TMTC3: variants seen among roughly 807,000 people sequenced by gnomAD.
TMTC3 encodes protein O-mannosyl-transferase TMTC3.
In TMTC3, 52 loss-of-function variants were observed where a neutral mutation model predicts 92.2. The observed-to-expected ratio is 0.56, with a 90% confidence interval of 0.45 to 0.71. The LOEUF (loss-of-function observed/expected upper bound fraction) is 0.71. Ranked by LOEUF, TMTC3 falls within the 30% of genes least tolerant of loss-of-function variation. The probability of loss-of-function intolerance (pLI) is 0.00; values close to 1 mark genes in which losing one functional copy is unlikely to be tolerated. For synonymous variants in TMTC3, 339 were observed against 363.3 expected, an observed-to-expected ratio of 0.93 and a Z score of 0.76; for missense variants, 896 against 1,057.1, an observed-to-expected ratio of 0.85 and a Z score of 2.11.
chr12:88,199,332 A>T lies in TMTC3; in HGVS notation c.*3683A>T, dbSNP rs1454779510. 6.6e-6 allele frequency: 1 copy of T among 151,850 alleles called. No individual in the cohort carries two copies. The highest frequency in any genetic ancestry group is 1.5e-5 in the Non-Finnish European group (1 of 67,940). The allele number at this position is 151,850 out of a possible 1,614,324, so 9.4% of individuals were successfully genotyped here. On this transcript the variant is annotated 3_prime_UTR_variant, in exon 14 of 14. Coordinates refer to ENST00000266712, the MANE Select transcript of TMTC3 (RefSeq NM_181783.4). ...TTTCTTCATCTACAAGTTGGGAAAA[A>T]CATTTTCCTCTTAAAATTGTGAAGA...
chr12:88,182,664 C>T (rs534810290), intron 10 of TMTC3, among the ~76,000 whole-genome samples: 1 of 152,232 alleles, frequency 6.6e-6, no homozygotes, highest in East Asian at 1.9e-4. Flanking sequence ...AAAGTACTGG[C>T]TCCGTTGGGG....
intron 6 of TMTC3, among the ~76,000 whole-genome samples, chr12:88,162,622 G>A (rs114282050): frequency 4.1e-4 from 62 of 152,152 alleles, no homozygotes; most frequent in African/African-American, 1.4e-3. Context: ...TCTTCAGAAG[G>A]AAGTCTGATT....
intron 1 of TMTC3, among the ~76,000 whole-genome samples, chr12:88,147,087 A>G: frequency 6.7e-6 from 1 of 148,342 alleles, no homozygotes; most frequent in East Asian, 1.9e-4. Context: ...TTTTTAAATT[A>G]TTTAATTTAT....
At position 88,148,420 on chromosome 12, in the gene TMTC3, A is replaced by G. The variant is rs1219771509; in HGVS notation, c.105A>G (p.Ala35=). 1.9e-6 allele frequency: 3 copies of G among 1,613,516 alleles called. No individual in the cohort carries two copies. Among genetic ancestry groups the G allele is most frequent in the Non-Finnish European group, 2.5e-6 (3 of 1,179,688 alleles). ...FCGFVFDDVS[A]ILDNKDLHPS... is the part of the protein sequence containing the mutation. The stretch of plus-strand genomic sequence containing the variant: ...GTTTTGTTTTTGATGATGTTTCAGC[A>G]ATACTGGATAACAAAGACTTGCATC... Residue 35 remains alanine (A), a synonymous_variant, in exon 2 of 14, where the codon GCA becomes GCG. Transcript: ENST00000266712.
chr12:88,160,113 G>T lies in TMTC3; in HGVS notation c.509-1G>T. The T allele has an allele frequency of 6.4e-7, 1 of 1,558,504 alleles. No individual in the cohort carries two copies. The highest frequency in any genetic ancestry group is 8.7e-7 in the Non-Finnish European group (1 of 1,153,724). On this transcript the variant is annotated splice_acceptor_variant, in intron 4 of 13. Transcript: ENST00000266712. LOFTEE classifies it high-confidence loss of function. ...TTATATTTTCTGTTCTCAAATTGCA[G>T]TATGGACTCCAATTGCCTTGACAGT...
intron 9 of TMTC3, among the ~76,000 whole-genome samples, chr12:88,175,744 G>A (rs1671397981): frequency 6.6e-6 from 1 of 152,210 alleles, no homozygotes; most frequent in Middle Eastern, 3.4e-3. Context: ...AGAACACTAC[G>A]GCAATCTGCG....
chr12:88,192,349 GT>G (rs1335530134), intron 12 of TMTC3, among the ~76,000 whole-genome samples: 1 of 152,038 alleles, frequency 6.6e-6, no homozygotes, highest in Non-Finnish European at 1.5e-5. Flanking sequence ...CTCCTGATAG[GT>G]TGCCCTCTGA....
At position 88,196,754 on chromosome 12, in the gene TMTC3, A is replaced by G. The variant is rs2041518164; in HGVS notation, c.*1105A>G. On this transcript the variant is annotated 3_prime_UTR_variant, in exon 14 of 14. Transcript: ENST00000266712. ...ATATTTGAAGCTATTTTAATCATCAAGTATGGAAAACAAATTACTATTGCA... is the reference window on the plus strand; with the variant it reads ...ATATTTGAAGCTATTTTAATCATCAGGTATGGAAAACAAATTACTATTGCA... 1 of 151,870 alleles carries G rather than the reference A, an allele frequency of 6.6e-6. No homozygotes were observed. The highest frequency in any genetic ancestry group is 2.4e-5 in the African/African-American group (1 of 41,428). 9.4% of individuals were successfully genotyped at this position (151,870 alleles called of 1,614,324 possible).
At chr12:88,149,629 T>C (rs577060244) in intron 2 of TMTC3, among the ~76,000 whole-genome samples, 4 of 152,314 alleles carry the variant, frequency 2.6e-5, no homozygotes, top group African/African-American at 9.6e-5. Context: ...AAACATAACA[T>C]GTAACTCTCT....
chr12:88,173,002 A>T (rs1423163208), intron 8 of TMTC3: 1 of 1,388,956 alleles, frequency 7.2e-7, no homozygotes, highest in Admixed American at 2.1e-5. Flanking sequence ...GATCCAAATG[A>T]AAACAAGGAT....
chr12:88,164,189 CAAAAAAA>C (rs1008391943), intron 6 of TMTC3, among the ~76,000 whole-genome samples: 1 of 48,796 alleles, frequency 2.0e-5, no homozygotes, highest in African/African-American at 7.6e-5. Context: ...GACTTTGTCT[CAAAAAAA>C]AAAAAAAAAA....
At position 88,196,899 on chromosome 12, in the gene TMTC3, C is replaced by T. The variant is rs1200299194; in HGVS notation, c.*1250C>T. 1 of 151,536 alleles carries T rather than the reference C, an allele frequency of 6.6e-6. No individual in the cohort carries two copies. The highest frequency in any genetic ancestry group is 1.5e-5 in the Non-Finnish European group (1 of 67,722). 9.4% of individuals were successfully genotyped at this position (151,536 alleles called of 1,614,324 possible). On this transcript the variant is annotated 3_prime_UTR_variant, in exon 14 of 14. Transcript: ENST00000266712. ...TAATAAATTTTTCAGTTGGTTTGGG[C>T]AAATTTAAACCTGAAAAATAGGTTA...
In TMTC3 at chr12:88,198,333, G is replaced by A. The variant is rs1462445498; in HGVS notation, c.*2684G>A. On this transcript the variant is annotated 3_prime_UTR_variant, in exon 14 of 14. Transcript: ENST00000266712. ...GTTTGGAAAAGAGAGCTTATCACAG[G>A]TTTGTATGCTGGTGAATGGATAGTT... 4 of 397,918 alleles carry A rather than the reference G, an allele frequency of 1.0e-5. No individual in the cohort carries two copies. Among genetic ancestry groups the A allele is most frequent in the African/African-American group, 8.2e-5 (4 of 48,564 alleles). The allele number at this position is 397,918 out of a possible 1,614,324, so 24.6% of individuals were successfully genotyped here.
chr12:88,194,291 C>T (rs1349379218), intron 13 of TMTC3, among the ~76,000 whole-genome samples: 1 of 152,036 alleles, frequency 6.6e-6, no homozygotes, highest in African/African-American at 2.4e-5. Flanking sequence ...TGTTTTTGTC[C>T]TCGAAACATT....
intron 10 of TMTC3, among the ~76,000 whole-genome samples, chr12:88,185,135 A>G (rs373637933): frequency 1.2e-4 from 19 of 152,184 alleles, no homozygotes; most frequent in African/African-American, 4.6e-4. Flanking sequence ...AAGTTTCGGC[A>G]TATGTATATT....
intron 9 of TMTC3, among the ~76,000 whole-genome samples, chr12:88,175,235 A>C (rs1285049986): frequency 6.6e-6 from 1 of 152,188 alleles, no homozygotes; most frequent in Non-Finnish European, 1.5e-5. Context: ...ACTATCAGAA[A>C]GATAAGAATT....
At chr12:88,189,779 A>T (rs914120775) in intron 11 of TMTC3, among the ~76,000 whole-genome samples, 5 of 152,136 alleles carry the variant, frequency 3.3e-5, no homozygotes, top group Non-Finnish European at 7.4e-5. Context: ...GAAGTTTGGA[A>T]ATTAAACAGT....
chr12:88,189,156 C>T (rs573577353), intron 11 of TMTC3, among the ~76,000 whole-genome samples: 54 of 150,808 alleles, frequency 3.6e-4, no homozygotes, highest in African/African-American at 1.2e-3. Flanking sequence ...TGCAGTGGCA[C>T]GATCTCAGCT....
intron 2 of TMTC3, among the ~76,000 whole-genome samples, chr12:88,149,132 T>C (rs2040911404): frequency 6.6e-6 from 1 of 152,180 alleles, no homozygotes; most frequent in Non-Finnish European, 1.5e-5. Context: ...ATTACAAATT[T>C]TGAATCTTTG....
Sources: gnomAD v4.1 joint callset for allele counts (sites outside exome capture counted in the v4.1 genomes callset) on GRCh38, gnomAD v4.1.1 for gene constraint, MANE v1.5 for transcripts, NCBI Gene and HGNC (gene_info 2026-07-23, HGNC 2026-07-21) for gene names.